The following NLGN1 variants were observed in gnomAD, a reference collection of about 807,000 sequenced individuals.
NLGN1 encodes the protein neuroligin 1, also known as neuroligin-1.
NLGN1 carries 12 observed loss-of-function variants against 65.5 expected under a neutral mutation model. The observed-to-expected ratio is 0.18, with a 90% CI of 0.12 to 0.30. The LOEUF is 0.30. Ranked by LOEUF, NLGN1 falls within the 10% of genes least tolerant of loss-of-function variation. NLGN1 has a pLI of 1.00. For synonymous variants in NLGN1, 350 were observed against 359.5 expected (o/e 0.97, Z 0.30); for missense variants, 750 against 1,007.1 (o/e 0.74, Z 3.46).
At chr3:173,460,609 T>C (rs1259671207) in intron 2 of NLGN1, among the ~76,000 whole-genome samples, 2 of 152,122 alleles carry the variant, frequency 1.3e-5, no homozygotes, top group Non-Finnish European at 2.9e-5. Context: ...GAAGTACCAA[T>C]CACTAGAAGC....
chr3:173,987,285 C>G (rs1720155231), intron 4 of NLGN1, among the ~76,000 whole-genome samples: 1 of 152,148 alleles, frequency 6.6e-6, no homozygotes, highest in East Asian at 1.9e-4. Context: ...TCAAATTGTT[C>G]TTGTCACTAA....
At chr3:173,633,015 A>G (rs988270145) in intron 3 of NLGN1, among the ~76,000 whole-genome samples, 13 of 151,982 alleles carry the variant, frequency 8.6e-5, no homozygotes, top group African/African-American at 2.9e-4. Flanking sequence ...TTGTGATACC[A>G]TGAAATGTTT....
At chr3:173,454,799 C>T (rs1722237246) in intron 2 of NLGN1, among the ~76,000 whole-genome samples, 2 of 152,176 alleles carry the variant, frequency 1.3e-5, no homozygotes, top group Non-Finnish European at 2.9e-5. Context: ...TCAGCAATAA[C>T]ACATTAGTTT....
intron 2 of NLGN1, among the ~76,000 whole-genome samples, chr3:173,588,648 G>A (rs955021328): frequency 6.6e-6 from 1 of 152,180 alleles, no homozygotes; most frequent in East Asian, 1.9e-4. Context: ...GCCTATTTCC[G>A]TTGCATGTGA....
intron 4 of NLGN1, among the ~76,000 whole-genome samples, chr3:173,849,926 T>A (rs543945390): frequency 6.6e-6 from 1 of 152,286 alleles, no homozygotes; most frequent in African/African-American, 2.4e-5. Context: ...TACAGTAATA[T>A]ACTATAATAA....
chr3:174,226,930 A>G (rs1052256863), intron 4 of NLGN1, among the ~76,000 whole-genome samples: 7 of 152,174 alleles, frequency 4.6e-5, no homozygotes, highest in African/African-American at 7.2e-5. Context: ...TAATGAAGTC[A>G]TATTTAAAGA....
intron 4 of NLGN1, among the ~76,000 whole-genome samples, chr3:173,957,432 G>A (rs1712356010): frequency 6.6e-6 from 1 of 151,874 alleles, no homozygotes; most frequent in Admixed American, 6.6e-5. Context: ...TTCTCTCATG[G>A]GTTACAACTA....
chr3:173,832,139 A>C (rs11303334), intron 4 of NLGN1, among the ~76,000 whole-genome samples: 3 of 146,018 alleles, frequency 2.1e-5, no homozygotes, highest in South Asian at 2.2e-4. Flanking sequence ...AAAAAAAAAA[A>C]AAACTGTAGA....
intron 4 of NLGN1, among the ~76,000 whole-genome samples, chr3:174,110,579 C>T (rs934697373): frequency 6.6e-6 from 1 of 151,876 alleles, no homozygotes; most frequent in African/African-American, 2.4e-5. Context: ...TATTATGACA[C>T]TAACTCCAAG....
chr3:173,447,386 A>G (rs1471151186), intron 2 of NLGN1, among the ~76,000 whole-genome samples: 39 of 152,178 alleles, frequency 2.6e-4, no homozygotes, highest in Non-Finnish European at 7.4e-5. Context: ...GATACATGGC[A>G]TTATTTCTGA....
intron 3 of NLGN1, among the ~76,000 whole-genome samples, chr3:173,709,074 C>T (rs1374068664): frequency 1.3e-5 from 2 of 152,252 alleles, no homozygotes; most frequent in East Asian, 1.9e-4. Context: ...TAGACACAGA[C>T]GTAAGTATAG....
chr3:173,766,426 T>C (rs1311016626), intron 3 of NLGN1, among the ~76,000 whole-genome samples: 1 of 152,092 alleles, frequency 6.6e-6, no homozygotes, highest in East Asian at 1.9e-4. Flanking sequence ...CATTCTTTCC[T>C]ATTTTCCCTC....
intron 3 of NLGN1, among the ~76,000 whole-genome samples, chr3:173,776,997 A>C (rs902566728): frequency 6.6e-6 from 1 of 151,986 alleles, no homozygotes; most frequent in African/African-American, 2.4e-5. Flanking sequence ...ATAACTATAT[A>C]ACTTGGGAAA....
intron 3 of NLGN1, among the ~76,000 whole-genome samples, chr3:173,642,244 A>T (rs141570615): frequency 6.6e-6 from 1 of 152,208 alleles, no homozygotes; most frequent in Non-Finnish European, 1.5e-5. Flanking sequence ...GAGAAACAAA[A>T]AAACAGGCAA....
chr3:174,145,771 C>T (rs1287239242), intron 4 of NLGN1, among the ~76,000 whole-genome samples: 3 of 152,228 alleles, frequency 2.0e-5, no homozygotes, highest in African/African-American at 7.2e-5. Context: ...TAATTTTATG[C>T]ACTGTAAGGC....
chr3:173,693,141 G>A (rs968534035), intron 3 of NLGN1, among the ~76,000 whole-genome samples: 1 of 152,092 alleles, frequency 6.6e-6, no homozygotes, highest in East Asian at 1.9e-4. Context: ...AAATAACAGA[G>A]CAAGTGATTC....
chr3:173,629,900 T>C (rs1755415067), intron 3 of NLGN1, among the ~76,000 whole-genome samples: 1 of 152,194 alleles, frequency 6.6e-6, no homozygotes, highest in South Asian at 2.1e-4. Context: ...ATAAATTCCT[T>C]TTCTAACCTT....
At chr3:173,500,227 T>C (rs1027480685) in intron 2 of NLGN1, among the ~76,000 whole-genome samples, 1 of 152,206 alleles carries the variant, frequency 6.6e-6, no homozygotes, top group African/African-American at 2.4e-5. Flanking sequence ...ATACATCCCA[T>C]GAATACCTAA....
intron 2 of NLGN1, among the ~76,000 whole-genome samples, chr3:173,549,256 G>A (rs181448270): frequency 6.6e-6 from 1 of 151,862 alleles, no homozygotes; most frequent in Non-Finnish European, 1.5e-5. Flanking sequence ...CCTGTTTCCT[G>A]AGTAAATGAA....
Sources: allele counts gnomAD v4.1 joint callset (sites outside exome capture counted in the v4.1 genomes callset), GRCh38; gene constraint gnomAD v4.1.1; transcripts MANE v1.5; gene names NCBI Gene and HGNC (gene_info 2026-07-23, HGNC 2026-07-21).